ELSPBP1: variants seen among roughly 807,000 people sequenced by gnomAD.
ELSPBP1 encodes the protein epididymal sperm binding protein 1, also known as epididymal sperm-binding protein 1.
In ELSPBP1, 38 loss-of-function variants were observed where a neutral mutation model predicts 33.3. That is an observed-to-expected ratio of 1.14 (90% CI 0.88 to 1.50). The LOEUF is 1.50. Among genes scored for constraint, ELSPBP1 ranks in the 40% most tolerant of loss-of-function variants. The probability of loss-of-function intolerance (pLI) is 0.00; values close to 1 mark genes in which losing one functional copy is unlikely to be tolerated. For missense variants in ELSPBP1, 267 were observed against 263.5 expected (o/e 1.01, Z -0.09); for synonymous variants, 85 against 94.1 (o/e 0.90, Z 0.56).
At position 48,011,188 on chromosome 19, in the gene ELSPBP1, A is replaced by G. The variant is rs1436133139; in HGVS notation, c.70+2451A>G. 1.2e-5 allele frequency among the ~76,000 whole-genome samples: 1 copy of G among 82,410 alleles called. No homozygotes were observed. Among genetic ancestry groups the G allele is most frequent in the East Asian group, 1.1e-3 (1 of 888 alleles). The allele number at this position is 82,410 out of a possible 152,430, so 54.1% of individuals were successfully genotyped here. A position where few individuals can be genotyped will look rare whatever the true frequency, so the allele number is the denominator to read the frequency against. ...TGTGATGAGGAGGAAAATAATGATT[A>G]CAATAATGATGACAATGATGATGAG... On this transcript the variant is annotated intron_variant, in intron 2 of 6. Transcript: ENST00000339841. This position sits in a 1 kb window ranked among gnomAD's most constrained non-coding sequence, Gnocchi z 4.5.
At chr19:48,009,699 G>A (rs35528703) in intron 2 of ELSPBP1, among the ~76,000 whole-genome samples, 25,303 of 152,014 alleles carry the variant, frequency 0.17, 2,168 homozygotes, top group South Asian at 0.23. Flanking sequence ...TGGAATTTAC[G>A]TTTTAAAAAA....
intron 1 of ELSPBP1, among the ~76,000 whole-genome samples, chr19:47,999,221 A>G (rs1413895417): frequency 6.6e-6 from 1 of 152,078 alleles, no homozygotes; most frequent in African/African-American, 2.4e-5. Context: ...CATATTCTGA[A>G]ATGATTTTGG....
intron 1 of ELSPBP1, among the ~76,000 whole-genome samples, chr19:47,999,942 C>T (rs1210267679): frequency 6.6e-6 from 1 of 151,894 alleles, no homozygotes; most frequent in Non-Finnish European, 1.5e-5. Context: ...TCCCCCTCAG[C>T]CTCCTGAGTA....
Position 48,022,196 on chromosome 19 carries a change from C to T in ELSPBP1, c.541C>T (p.Pro181Ser). The stretch of plus-strand genomic sequence containing the variant: ...AATTTCCGCGTTGGTCCCTGGCTTT[C>T]CTTGTCACTTTCCGTTCAACTATAA... ...TRISALVPGF[P>S]CHFPFNYKNK... The change falls in exon 6 of 7, where the codon CCT becomes TCT. Residue 181 changes from proline to serine, a missense_variant. Pro to Ser is a moderately conservative substitution (Grantham distance 74, BLOSUM62 -1). Transcript: ENST00000339841. 1 of 1,613,274 alleles carries T rather than the reference C, an allele frequency of 6.2e-7. No homozygotes were observed. The highest frequency in any genetic ancestry group is 8.5e-7 in the Non-Finnish European group (1 of 1,179,668).
At chr19:48,014,592 G>A (rs1453200286) in intron 3 of ELSPBP1, among the ~76,000 whole-genome samples, 1 of 151,162 alleles carries the variant, frequency 6.6e-6, no homozygotes, top group East Asian at 1.9e-4. Flanking sequence ...GTTAATGGGT[G>A]CAGCACACCA....
At chr19:48,009,504 A>G (rs1042594112) in intron 2 of ELSPBP1, among the ~76,000 whole-genome samples, 6 of 152,230 alleles carry the variant, frequency 3.9e-5, no homozygotes, top group Non-Finnish European at 5.9e-5. Context: ...CCTTGCTTAC[A>G]TGTCATTCAC....
intron 1 of ELSPBP1, among the ~76,000 whole-genome samples, chr19:48,000,041 G>A (rs569255581): frequency 6.6e-6 from 1 of 151,634 alleles, no homozygotes; most frequent in African/African-American, 2.4e-5. Context: ...GCACAAGCTG[G>A]TCTTGAACTC....
intron 4 of ELSPBP1, among the ~76,000 whole-genome samples, chr19:48,016,465 C>CTTTCT (rs1967136256): frequency 2.2e-5 from 1 of 44,596 alleles, no homozygotes; most frequent in Non-Finnish European, 3.8e-5. Flanking sequence ...CTTTTCTTTC[C>CTTTCT]TTCTTTCTTT....
intron 1 of ELSPBP1, among the ~76,000 whole-genome samples, chr19:48,005,256 C>G (rs943489973): frequency 1.8e-4 from 28 of 151,670 alleles, no homozygotes; most frequent in African/African-American, 6.8e-4. Context: ...AAGAGCTCAG[C>G]CTTGTAGAGG....
intron 5 of ELSPBP1, among the ~76,000 whole-genome samples, chr19:48,020,093 G>A (rs901384440): frequency 6.6e-6 from 1 of 152,168 alleles, no homozygotes; most frequent in Non-Finnish European, 1.5e-5. Flanking sequence ...AAAATGAAAT[G>A]CTCAAAATGT....
At chr19:48,016,523 TCTTTCTTCCTTCCTTCCTTCCTTCCTTC>T (rs1967141928) in intron 4 of ELSPBP1, among the ~76,000 whole-genome samples, 1 of 65,960 alleles carries the variant, frequency 1.5e-5, no homozygotes, top group African/African-American at 5.3e-5. Flanking sequence ...TTTCTTTCTT[TCTTTCTTCCTTCCTTCCTTCCTTCCTTC>T]CTTCCTTCCT....
At chr19:48,012,553 C>T (rs569367711) in intron 2 of ELSPBP1, among the ~76,000 whole-genome samples, 2 of 152,244 alleles carry the variant, frequency 1.3e-5, no homozygotes, top group Admixed American at 1.3e-4. Flanking sequence ...TTGAGTCCTT[C>T]ATTAAAGAAA....
At chr19:47,995,366 G>A (rs1403514145) in intron 1 of ELSPBP1, among the ~76,000 whole-genome samples, 1 of 152,172 alleles carries the variant, frequency 6.6e-6, no homozygotes, top group Non-Finnish European at 1.5e-5. Context: ...TGAAGAAAAG[G>A]GAACAAGTTA....
intron 2 of ELSPBP1, among the ~76,000 whole-genome samples, chr19:48,012,418 G>A (rs949115200): frequency 5.3e-5 from 8 of 151,898 alleles, no homozygotes; most frequent in South Asian, 2.1e-4. Context: ...GTGCCTGGCC[G>A]AGAACAGCAT....
chr19:48,010,653 G>T (rs1215783052), intron 2 of ELSPBP1, among the ~76,000 whole-genome samples: 1 of 152,180 alleles, frequency 6.6e-6, no homozygotes, highest in Non-Finnish European at 1.5e-5. Flanking sequence ...GAATAGCAGG[G>T]ACTAAAGCTG....
chr19:48,022,783 A>AC (rs1460312937), intron 6 of ELSPBP1, among the ~76,000 whole-genome samples: 1 of 151,650 alleles, frequency 6.6e-6, no homozygotes, highest in Non-Finnish European at 1.5e-5. Flanking sequence ...AGCTGTGGTG[A>AC]CTCACACCTG....
At chr19:48,000,720 T>C (rs1473083376) in intron 1 of ELSPBP1, among the ~76,000 whole-genome samples, 1 of 152,190 alleles carries the variant, frequency 6.6e-6, no homozygotes, top group African/African-American at 2.4e-5. Context: ...TGTGCGTGTG[T>C]CCATGGAGCC....
intron 6 of ELSPBP1, among the ~76,000 whole-genome samples, chr19:48,023,564 G>A (rs1023295508): frequency 2.8e-4 from 37 of 131,272 alleles, no homozygotes; most frequent in Admixed American, 4.7e-4. Context: ...GAAGGGAAAG[G>A]AAGGGAAGGA....
chr19:48,014,404 A>G, intron 3 of ELSPBP1, 96 bp downstream of exon 3: 26 of 1,413,994 alleles, frequency 1.8e-5, no homozygotes, highest in Non-Finnish European at 2.5e-5. Context: ...ACATTTTTGC[A>G]GACAAACGGT....
Sources: gnomAD v4.1 joint callset for allele counts (sites outside exome capture counted in the v4.1 genomes callset) on GRCh38, gnomAD v4.1.1 for gene constraint, Gnocchi (gnomAD v3.1) non-coding constraint, MANE v1.5 for transcripts, NCBI Gene and HGNC (gene_info 2026-07-23, HGNC 2026-07-21) for gene names.